CORO2A: variants seen among roughly 807,000 people sequenced by gnomAD.
CORO2A encodes the protein coronin-2A.
Under a neutral mutation model 62.4 loss-of-function variants are expected in CORO2A, and 47 were observed. The ratio of observed to expected loss-of-function variants is 0.75; its 90% CI spans 0.60 to 0.96. CORO2A has a LOEUF of 0.96. CORO2A is among the 40% of genes least tolerant of loss of function. The probability of loss-of-function intolerance (pLI) is 0.00; values close to 1 mark genes in which losing one functional copy is unlikely to be tolerated. For synonymous variants in CORO2A, 273 were observed against 268.9 expected (o/e 1.02, Z -0.15); for missense variants, 610 against 684.1 (o/e 0.89, Z 1.21).
chr9:98,179,253 G>C (rs796345917), intron 1 of CORO2A, among the ~76,000 whole-genome samples: 31 of 152,322 alleles, frequency 2.0e-4, no homozygotes, highest in African/African-American at 5.3e-4. Context: ...GGGACCGCTA[G>C]AGCATGAGGA....
chr9:98,189,438 C>A (rs1349196808), intron 1 of CORO2A, among the ~76,000 whole-genome samples: 1 of 152,170 alleles, frequency 6.6e-6, no homozygotes, highest in Non-Finnish European at 1.5e-5. Context: ...CAGCTTCTGG[C>A]CATTTTGAAA....
intron 4 of CORO2A, among the ~76,000 whole-genome samples, chr9:98,133,832 T>C (rs1294176536): frequency 6.6e-6 from 1 of 152,192 alleles, no homozygotes; most frequent in Admixed American, 6.5e-5. Flanking sequence ...TGGCTCACTG[T>C]AGCATCAACC....
At chr9:98,138,596 G>A (rs1827522146) in intron 2 of CORO2A, among the ~76,000 whole-genome samples, 1 of 152,168 alleles carries the variant, frequency 6.6e-6, no homozygotes, top group East Asian at 1.9e-4. Flanking sequence ...GCTACAGCAT[G>A]GATTAACCTA....
At chr9:98,186,728 G>A (rs1828242506) in intron 1 of CORO2A, among the ~76,000 whole-genome samples, 1 of 152,124 alleles carries the variant, frequency 6.6e-6, no homozygotes, top group Non-Finnish European at 1.5e-5. Flanking sequence ...AGGTTGTTAT[G>A]GGGATTGGGT....
chr9:98,130,863 C>T (rs2118803104), intron 7 of CORO2A, 92 bp downstream of exon 7: 1 of 1,034,222 alleles, frequency 9.7e-7, no homozygotes, highest in East Asian at 2.7e-5. Flanking sequence ...GAGGCCTGCC[C>T]ATCCCTGCCC....
chr9:98,145,648 G>C (rs1827635025), intron 2 of CORO2A, among the ~76,000 whole-genome samples: 1 of 152,210 alleles, frequency 6.6e-6, no homozygotes, highest in Admixed American at 6.5e-5. Flanking sequence ...GTCCTGGGAG[G>C]CATCTGAGCA....
intron 4 of CORO2A, 143 bp downstream of exon 4, chr9:98,134,663 A>G: frequency 6.4e-6 from 6 of 938,544 alleles, no homozygotes; most frequent in South Asian, 3.6e-5. Context: ...ATTCTTCCCT[A>G]GGGCATCTGG....
chr9:98,163,714 G>GTGTGTGTGTGTGTGTA (rs1218544017), intron 1 of CORO2A, among the ~76,000 whole-genome samples: 2,542 of 142,188 alleles, frequency 0.018, 57 homozygotes, highest in East Asian at 0.064. Flanking sequence ...CATGCGGGGT[G>GTGTGTGTGTGTGTGTA]TGTGTGTGTG....
chr9:98,157,412 G>A, intron 2 of CORO2A, 48 bp downstream of exon 2: 1 of 1,582,900 alleles, frequency 6.3e-7, no homozygotes, highest in Non-Finnish European at 8.7e-7. Flanking sequence ...CTTTCCCTCT[G>A]TCCTGCCCTG....
At chr9:98,150,484 A>G (rs749051197) in intron 2 of CORO2A, among the ~76,000 whole-genome samples, 4 of 152,124 alleles carry the variant, frequency 2.6e-5, no homozygotes, top group Non-Finnish European at 5.9e-5. Context: ...TTAGAGCCTC[A>G]AGTGGCTCTC....
At chr9:98,128,352 AC>A in intron 9 of CORO2A, 92 bp from the exon 10 acceptor site, 1 of 1,041,346 alleles carries the variant, frequency 9.6e-7, no homozygotes, top group Non-Finnish European at 1.5e-6. Flanking sequence ...GCTCTCACCA[AC>A]CCCTGCTGAA....
chr9:98,138,411 CAAA>C (rs35123837), intron 2 of CORO2A, among the ~76,000 whole-genome samples: 3 of 99,234 alleles, frequency 3.0e-5, no homozygotes, highest in Non-Finnish European at 4.1e-5. Context: ...AACTATGTCT[CAAA>C]AAAAAAAAAA....
In CORO2A at chr9:98,124,795, C is replaced by T. The variant is rs918749136; in HGVS notation, c.1557G>A (p.Arg519=). 1.2e-6 allele frequency: 2 copies of T among 1,612,010 alleles called. No homozygotes were observed. Among genetic ancestry groups the T allele is most frequent in the Non-Finnish European group, 8.5e-7 (1 of 1,179,272 alleles). The change falls in exon 12 of 12, where the codon CGG becomes CGA. Residue 519 remains arginine, a synonymous_variant. Transcript: ENST00000375077. ...CTGCTCAGAGCTGCTCTGAGCCCAT[C>T]CGCAAGTTTTTGATCTCCAGTTCCA... is the stretch of plus-strand genomic sequence containing the variant. The part of the protein sequence containing the change: ...KQLELEIKNL[R]MGSEQL
In CORO2A at chr9:98,129,867, G is replaced by C; in HGVS notation, c.894C>G (p.Tyr298Ter). The change falls in exon 8 of 12, where the codon TAC becomes TAG. Residue 298 changes from tyrosine (Y) to a stop codon, truncating the protein, a stop_gained. Transcript: ENST00000375077. LOFTEE classifies it high-confidence loss of function. ...GGTGAGGCTTGTCGGCGCTCACCTC[G>C]TAGTAGCGGATGTTGCCATCTCCCT... Reference protein sequence around the residue: ...VGKGDGNIRYYEVSADKPHLS... With the variant: ...VGKGDGNIRY 6.2e-7 allele frequency: 1 copy of C among 1,613,852 alleles called. No homozygotes were observed. The highest frequency in any genetic ancestry group is 8.5e-7 in the Non-Finnish European group (1 of 1,179,808).
intron 2 of CORO2A, among the ~76,000 whole-genome samples, chr9:98,150,305 G>A (rs927426386): frequency 6.6e-6 from 1 of 151,964 alleles, no homozygotes; most frequent in South Asian, 2.1e-4. Flanking sequence ...CTGGGCTTAC[G>A]ACGCCTTCAC....
intron 2 of CORO2A, among the ~76,000 whole-genome samples, chr9:98,155,437 C>T (rs1250292162): frequency 6.7e-6 from 1 of 149,684 alleles, no homozygotes; most frequent in African/African-American, 2.5e-5. Flanking sequence ...ACCTCTGCCT[C>T]CTGCGTTCAA....
At chr9:98,191,250 A>C (rs1445981356) in intron 1 of CORO2A, among the ~76,000 whole-genome samples, 1 of 89,058 alleles carries the variant, frequency 1.1e-5, no homozygotes, top group Non-Finnish European at 2.6e-5. Context: ...CGGACCTCTC[A>C]GACGGTCCCC....
chr9:98,171,909 G>A (rs78227510), intron 1 of CORO2A, among the ~76,000 whole-genome samples: 337 of 152,220 alleles, frequency 2.2e-3, no homozygotes, highest in South Asian at 8.3e-3. Context: ...GGTCAGAGCC[G>A]AAATAGACTT....
Position 98,169,772 on chromosome 9 carries a change from T to C in CORO2A, c.1-12112A>G, listed in dbSNP as rs561399689. On this transcript the variant is annotated intron_variant, in intron 1 of 11. Coordinates refer to ENST00000375077, the MANE Select transcript of CORO2A (RefSeq NM_052820.4). ...GCATCATTTTCCCAGATAATCTGTCTTTGCTCATGCCCCTTCCCTCTGCCT... is the reference window on the plus strand; with the variant it reads ...GCATCATTTTCCCAGATAATCTGTCCTTGCTCATGCCCCTTCCCTCTGCCT... Among the ~76,000 whole-genome samples the C allele has an allele frequency of 5.3e-5, 8 of 152,330 alleles. No homozygotes were observed. The East Asian group carries it at 1.5e-3, about 29-fold the overall frequency.
Sources: allele counts gnomAD v4.1 joint callset (sites outside exome capture counted in the v4.1 genomes callset), GRCh38; gene constraint gnomAD v4.1.1; transcripts MANE v1.5; gene names NCBI Gene and HGNC (gene_info 2026-07-23, HGNC 2026-07-21).